SLC44A5: variants seen among roughly 807,000 people sequenced by gnomAD.
SLC44A5 encodes choline transporter-like protein 5.
In SLC44A5, 57 loss-of-function variants were observed where a neutral mutation model predicts 101.8. That is an observed-to-expected ratio of 0.56 (90% confidence interval 0.45 to 0.70). The LOEUF (loss-of-function observed/expected upper bound fraction) is 0.70. Ranked by LOEUF, SLC44A5 falls within the 30% of genes least tolerant of loss-of-function variation. The pLI is 0.00. For synonymous variants in SLC44A5, 281 were observed against 290.9 expected, an observed-to-expected ratio of 0.97 and a Z score of 0.35; for missense variants, 737 against 853.1, an observed-to-expected ratio of 0.86 and a Z score of 1.70.
At chr1:75,292,103 C>A (rs148121550) in intron 5 of SLC44A5, among the ~76,000 whole-genome samples, 25 of 151,676 alleles carry the variant, frequency 1.6e-4, no homozygotes, top group African/African-American at 5.8e-4. Flanking sequence ...CTATGATGAA[C>A]TACAGGGAGA....
chr1:75,601,635 T>C (rs1674990766), intron 1 of SLC44A5, among the ~76,000 whole-genome samples: 1 of 152,160 alleles, frequency 6.6e-6, no homozygotes, highest in Admixed American at 6.6e-5. Context: ...AAAGCACTTC[T>C]GCAGGGACCA....
chr1:75,518,095 T>C (rs1013549928), intron 2 of SLC44A5, among the ~76,000 whole-genome samples: 1 of 152,240 alleles, frequency 6.6e-6, no homozygotes, highest in Non-Finnish European at 1.5e-5. Context: ...TTGGCAAATA[T>C]TGGCCATAAG....
the SLC44A5 span, among the ~76,000 whole-genome samples, chr1:75,719,428 TC>T: frequency 6.6e-6 from 1 of 152,088 alleles, no homozygotes; most frequent in Non-Finnish European, 1.5e-5. Flanking sequence ...AATAAATTGG[TC>T]CTAGTATAAT....
the SLC44A5 span, among the ~76,000 whole-genome samples, chr1:75,617,534 CAA>C: frequency 4.6e-5 from 7 of 152,174 alleles, no homozygotes; most frequent in Non-Finnish European, 8.8e-5. Context: ...AAAATCATCA[CAA>C]GTTATTTTTT....
At chr1:75,217,244 A>G (rs532564884) in intron 18 of SLC44A5, among the ~76,000 whole-genome samples, 1 of 152,064 alleles carries the variant, frequency 6.6e-6, no homozygotes, top group East Asian at 1.9e-4. Context: ...TGTGAGAGTT[A>G]GTTTCTGGGA....
chr1:75,401,122 C>A (rs763863687), intron 2 of SLC44A5, among the ~76,000 whole-genome samples: 1 of 152,166 alleles, frequency 6.6e-6, no homozygotes, highest in Non-Finnish European at 1.5e-5. Context: ...GATGCCAAGT[C>A]TGCATCATTT....
At position 75,217,974 on chromosome 1, in the gene SLC44A5, AAATGAG is replaced by A; in HGVS notation, c.1530-20_1530-15del. On this transcript the variant is annotated splice_polypyrimidine_tract_variant and intron_variant, in intron 17 of 23. Coordinates refer to ENST00000370859, the MANE Select transcript of SLC44A5 (RefSeq NM_001130058.2). Reference sequence around the variant, plus strand: ...CCTGTGTGATATCTGCACAAAAATAAAATGAGAATAAGTTAAAACTTAATACTATTA... The same window carrying A: ...CCTGTGTGATATCTGCACAAAAATAAAATAAGTTAAAACTTAATACTATTA... 5 of 1,506,022 alleles carry A rather than the reference AAATGAG, an allele frequency of 3.3e-6. No homozygotes were observed. The highest frequency in any genetic ancestry group is 1.4e-5 in the African/African-American group (1 of 72,546). 93.3% of individuals were successfully genotyped at this position (1,506,022 alleles called of 1,614,324 possible). A position where few individuals can be genotyped will look rare whatever the true frequency, so the allele number is the denominator to read the frequency against.
intron 2 of SLC44A5, among the ~76,000 whole-genome samples, chr1:75,483,779 A>G (rs981093950): frequency 6.6e-6 from 1 of 152,310 alleles, no homozygotes; most frequent in South Asian, 2.1e-4. Context: ...GGTAATTTAT[A>G]AGGAAAAGAG....
intron 23 of SLC44A5, among the ~76,000 whole-genome samples, chr1:75,208,111 T>G (rs938666970): frequency 3.3e-5 from 5 of 152,142 alleles, no homozygotes; most frequent in Non-Finnish European, 5.9e-5. Context: ...TAATAAGAAA[T>G]AAACTTATAC....
the SLC44A5 span, among the ~76,000 whole-genome samples, chr1:75,633,248 T>C: frequency 1.3e-5 from 2 of 152,318 alleles, no homozygotes; most frequent in South Asian, 2.1e-4. Context: ...TTTTTCCAAT[T>C]CTGTGAAGAA....
intron 2 of SLC44A5, among the ~76,000 whole-genome samples, chr1:75,520,854 T>C (rs1670079782): frequency 6.6e-6 from 1 of 152,156 alleles, no homozygotes; most frequent in Non-Finnish European, 1.5e-5. Context: ...TATTTTTCAA[T>C]TATCCATAAT....
At chr1:75,258,682 G>T (rs1650230606) in intron 6 of SLC44A5, among the ~76,000 whole-genome samples, 3 of 152,130 alleles carry the variant, frequency 2.0e-5, no homozygotes, top group African/African-American at 7.2e-5. Flanking sequence ...TCCAATAAGG[G>T]ACAGACTGCC....
At chr1:75,473,378 G>A (rs1045566579) in intron 2 of SLC44A5, among the ~76,000 whole-genome samples, 6 of 152,202 alleles carry the variant, frequency 3.9e-5, no homozygotes, top group African/African-American at 1.4e-4. Context: ...CAAAGAGGAA[G>A]AGGAAGCCTC....
intron 2 of SLC44A5, among the ~76,000 whole-genome samples, chr1:75,406,586 C>T (rs1282582890): frequency 1.3e-5 from 2 of 152,152 alleles, no homozygotes; most frequent in Non-Finnish European, 2.9e-5. Context: ...TAAACCATCA[C>T]ATAAATGGAA....
chr1:75,433,290 C>G (rs897246625), intron 2 of SLC44A5, among the ~76,000 whole-genome samples: 1 of 152,116 alleles, frequency 6.6e-6, no homozygotes, highest in Non-Finnish European at 1.5e-5. Flanking sequence ...ACTACTGAGC[C>G]CATTCCTCTA....
chr1:75,659,485 G>GAAGA, the SLC44A5 span, among the ~76,000 whole-genome samples: 464 of 69,666 alleles, frequency 6.7e-3, 20 homozygotes, highest in Admixed American at 0.011. Flanking sequence ...AGGAAGGAAG[G>GAAGA]AAGGAAGGCA....
chr1:75,575,840 C>G (rs774198165), intron 1 of SLC44A5, among the ~76,000 whole-genome samples: 8 of 152,080 alleles, frequency 5.3e-5, no homozygotes, highest in Non-Finnish European at 8.8e-5. Context: ...GTAGGATACA[C>G]GAAGCCTGAA....
chr1:75,609,334 A>C (rs925637598), intron 1 of SLC44A5, among the ~76,000 whole-genome samples: 2 of 152,012 alleles, frequency 1.3e-5, no homozygotes, highest in African/African-American at 2.4e-5. Flanking sequence ...GCAAGTAAAA[A>C]TTTATATATT....
At chr1:75,687,842 T>G in the SLC44A5 span, among the ~76,000 whole-genome samples, 1 of 152,168 alleles carries the variant, frequency 6.6e-6, no homozygotes, top group East Asian at 1.9e-4. Context: ...CCTATGGGCA[T>G]TTGGGGAGCT....
Sources: allele counts gnomAD v4.1 joint callset (sites outside exome capture counted in the v4.1 genomes callset), GRCh38; gene constraint gnomAD v4.1.1; transcripts MANE v1.5; gene names NCBI Gene and HGNC (gene_info 2026-07-23, HGNC 2026-07-21).